Variants in SCUBE2 observed in about 807,000 individuals in gnomAD.
The protein encoded by SCUBE2 is signal peptide, CUB domain and EGF like domain containing 2, also known as signal peptide, CUB and EGF-like domain-containing protein 2.
SCUBE2 carries 114 observed loss-of-function variants against 125.9 expected under a neutral mutation model. The ratio of observed to expected loss-of-function variants is 0.91; its 90% CI spans 0.78 to 1.06. The LOEUF is 1.06. SCUBE2 is among the 50% of genes least tolerant of loss of function. The pLI is 0.00. For synonymous variants in SCUBE2, 459 were observed against 492.9 expected, an observed-to-expected ratio of 0.93 and a Z score of 0.91; for missense variants, 1,255 against 1,301.8, an observed-to-expected ratio of 0.96 and a Z score of 0.55.
In SCUBE2 at chr11:9,055,849, G is replaced by T; in HGVS notation, c.1151C>A (p.Thr384Lys). 1 of 1,614,194 alleles carries T rather than the reference G, an allele frequency of 6.2e-7. No homozygotes were observed. The highest frequency in any genetic ancestry group is 8.5e-7 in the Non-Finnish European group (1 of 1,180,044). ...CDHSCINHPG[T>K]FACACNRGYT... is the part of the protein sequence containing the mutation. ...CCCTCGGTTGCAAGCACAAGCAAAT[G>T]TGCCAGGGTGGTTGATGCAGCTGTG... is the stretch of plus-strand genomic sequence containing the variant. The change falls in exon 10 of 23, where the codon ACA (threonine) becomes AAA (lysine). Residue 384 changes from threonine (T) to lysine (K), a missense_variant. Physicochemically the swap from Thr to Lys is moderately conservative, Grantham distance 78 (BLOSUM62 -1). This residue lies in a region of SCUBE2 where 378 missense variants were observed against 463.1 expected (regional missense o/e 0.82). Coordinates refer to ENST00000649792, the MANE Select transcript of SCUBE2 (RefSeq NM_001367977.2).
At chr11:9,064,676 A>G (rs954054324) in intron 7 of SCUBE2, 3 of 152,188 alleles carry the variant, frequency 2.0e-5, no homozygotes, top group African/African-American at 7.2e-5. Context: ...TTAAGCGTTT[A>G]TGTTACTCAT....
chr11:9,081,786 C>T (rs1213823995), intron 2 of SCUBE2, among the ~76,000 whole-genome samples: 2 of 152,222 alleles, frequency 1.3e-5, no homozygotes, highest in Non-Finnish European at 2.9e-5. Flanking sequence ...AATAATGCTA[C>T]GAGCATGGGC....
At chr11:9,080,533 C>G (rs984113553) in intron 2 of SCUBE2, among the ~76,000 whole-genome samples, 1 of 151,802 alleles carries the variant, frequency 6.6e-6, no homozygotes, top group Non-Finnish European at 1.5e-5. Context: ...CGCCTATAGT[C>G]CCAGCTGCTT....
In SCUBE2 at chr11:9,079,449, G is replaced by A. The variant is rs866474715; in HGVS notation, c.317C>T (p.Pro106Leu). 6.2e-6 allele frequency: 10 copies of A among 1,613,968 alleles called. No individual in the cohort carries two copies. In the Admixed American group the frequency reaches 1.2e-4, roughly 19 times the overall value. The change falls in exon 3 of 23, where the codon CCA becomes CTA. Residue 106 changes from proline (P) to leucine (L), a missense_variant. Coordinates refer to ENST00000649792, the MANE Select transcript of SCUBE2 (RefSeq NM_001367977.2). The part of the protein sequence containing the change: ...GGCVHDCLNI[P>L]GNYRCTCFDG... Reference sequence around the variant, plus strand: ...AAAACAAGTGCAACGATAATTGCCTGGAATATTCAAACAGTCATGGACACA... The same window carrying A: ...AAAACAAGTGCAACGATAATTGCCTAGAATATTCAAACAGTCATGGACACA...
chr11:9,035,432 C>T (rs756065854), intron 16 of SCUBE2, among the ~76,000 whole-genome samples: 30 of 152,232 alleles, frequency 2.0e-4, no homozygotes, highest in Middle Eastern at 3.4e-3. Context: ...ATTTAACAAA[C>T]GGGCAGATTT....
intron 16 of SCUBE2, among the ~76,000 whole-genome samples, chr11:9,037,409 C>T (rs1250661294): frequency 1.3e-5 from 2 of 152,234 alleles, no homozygotes; most frequent in Admixed American, 6.5e-5. Flanking sequence ...TTAATGGCGA[C>T]AAAGAAGCTT....
chr11:9,084,620 A>T (rs972252474), intron 2 of SCUBE2, among the ~76,000 whole-genome samples: 1 of 152,260 alleles, frequency 6.6e-6, no homozygotes, highest in Non-Finnish European at 1.5e-5. Flanking sequence ...CAAGAATGGG[A>T]CATGTTAACA....
chr11:9,074,744 AG>A, intron 3 of SCUBE2, 129 bp from the exon 4 acceptor site: 1 of 1,113,714 alleles, frequency 9.0e-7, no homozygotes, highest in South Asian at 1.4e-5. Context: ...AGAAGCTTTC[AG>A]AATCAAAGCC....
chr11:9,091,558 G>T lies in SCUBE2; in HGVS notation c.-30C>A. On this transcript the variant is annotated 5_prime_UTR_variant, in exon 1 of 23. Transcript: ENST00000649792. This position sits in a 1 kb window ranked among gnomAD's most constrained non-coding sequence, Gnocchi z 8.5. ...GGCTCAGCGGTTGCGGGCAGAGGCG[G>T]CGGAGTGCGGGCGGTGGCGGCGGCG... The T allele has an allele frequency of 1.9e-6, 1 of 521,080 alleles. No individual in the cohort carries two copies. The highest frequency in any genetic ancestry group is 2.8e-6 in the Non-Finnish European group (1 of 359,136). 32.3% of individuals were successfully genotyped at this position (521,080 alleles called of 1,614,324 possible). A position where few individuals can be genotyped will look rare whatever the true frequency, so the allele number is the denominator to read the frequency against.
At chr11:9,042,591 AT>A (rs932601166) in intron 16 of SCUBE2, among the ~76,000 whole-genome samples, 4 of 151,968 alleles carry the variant, frequency 2.6e-5, no homozygotes, top group Non-Finnish European at 5.9e-5. Context: ...TCAAGAGCCT[AT>A]TTTTTTCCTG....
chr11:9,041,838 T>C (rs2135312924), intron 16 of SCUBE2, among the ~76,000 whole-genome samples: 1 of 152,194 alleles, frequency 6.6e-6, no homozygotes, highest in East Asian at 1.9e-4. Flanking sequence ...GAGATGGGTT[T>C]GTGTGATGTT....
chr11:9,060,491 C>G lies in SCUBE2; in HGVS notation c.884G>C (p.Arg295Pro). ...ACCTGTCGAAGTATCCTTACAGGTG[C>G]GGTCACAGCCTCCATTGTTGACAGC... ...TCAVNNGGCDRTCKDTSTGVH... is the reference protein window; with the variant it reads ...TCAVNNGGCDPTCKDTSTGVH... Residue 295 changes from arginine (R) to proline (P), a missense_variant, in exon 8 of 23, where the codon CGC (arginine) becomes CCC (proline). By Grantham distance (103) the Arg-to-Pro change is moderately radical (BLOSUM62 -2). Transcript: ENST00000649792. 6.2e-7 allele frequency: 1 copy of G among 1,613,906 alleles called. No homozygotes were observed. The highest frequency in any genetic ancestry group is 1.1e-5 in the South Asian group (1 of 91,056).
chr11:9,066,148 G>A (rs978105013), intron 6 of SCUBE2, among the ~76,000 whole-genome samples, 168 bp from the exon 7 acceptor site: 5 of 152,360 alleles, frequency 3.3e-5, no homozygotes, highest in African/African-American at 4.8e-5. Flanking sequence ...GACACAGCCC[G>A]TTAAAGGGCC....
chr11:9,086,644 G>C (rs1452603718), intron 2 of SCUBE2, among the ~76,000 whole-genome samples: 1 of 152,102 alleles, frequency 6.6e-6, no homozygotes, highest in Non-Finnish European at 1.5e-5. Context: ...TCTGAGGTCA[G>C]GAGTTCGAGA....
At position 9,054,725 on chromosome 11, in the gene SCUBE2, ATTTTTTTTTT is replaced by A. The variant is rs1174774188; in HGVS notation, c.1208-976_1208-967del. Among the ~76,000 whole-genome samples, 160 of 22,316 alleles carry A rather than the reference ATTTTTTTTTT, an allele frequency of 7.2e-3. 2 individuals are homozygous for A. The highest frequency in any genetic ancestry group is 0.045 in the Middle Eastern group (2 of 44). 14.6% of individuals were successfully genotyped at this position (22,316 alleles called of 152,430 possible). The stretch of plus-strand genomic sequence containing the variant: ...TGTATATATATATATATATATATAT[ATTTTTTTTTT>A]TTTTTTTTTTTTTTTTTCAGGTGGA... On this transcript the variant is annotated intron_variant, in intron 10 of 22. Transcript: ENST00000649792.
Position 9,052,754 on chromosome 11 carries a change from G to A in SCUBE2, c.1526C>T (p.Ala509Val). Residue 509 changes from alanine (A) to valine (V), a missense_variant, in exon 13 of 23, where the codon GCT (alanine) becomes GTT (valine). Physicochemically the swap from Ala to Val is moderately conservative, Grantham distance 64. Around this residue, in one of 3 missense-constraint regions of SCUBE2, gnomAD observed 378 missense variants for 463.1 expected, o/e 0.82. Coordinates refer to ENST00000649792, the MANE Select transcript of SCUBE2 (RefSeq NM_001367977.2). ...RNKQQKSNDS[A>V]FGDVTTIRTS... Reference sequence around the variant, plus strand: ...GCAGATTTGGTAATTACCCCCAAAAGCAGAGTCATTTGATTTTTGTTGTTT... The same window carrying A: ...GCAGATTTGGTAATTACCCCCAAAAACAGAGTCATTTGATTTTTGTTGTTT... 6.5e-7 allele frequency: 1 copy of A among 1,536,568 alleles called. No homozygotes were observed. Among genetic ancestry groups the A allele is most frequent in the African/African-American group, 1.4e-5 (1 of 73,150 alleles).
At chr11:9,027,070 C>CT (rs1855827785) in intron 20 of SCUBE2, 1 of 425,008 alleles carries the variant, frequency 2.4e-6, no homozygotes, top group South Asian at 2.5e-5. Context: ...GGGGCCAACA[C>CT]TGCATGATCC....
At chr11:9,034,677 G>A (rs1488499902) in intron 16 of SCUBE2, among the ~76,000 whole-genome samples, 1 of 152,042 alleles carries the variant, frequency 6.6e-6, no homozygotes, top group Non-Finnish European at 1.5e-5. Flanking sequence ...CACACTTCAG[G>A]TTCATAATAA....
chr11:9,020,713 G>T lies in SCUBE2; in HGVS notation c.*332C>A. ...GCCTCCTTTCCACTACAGACTCCTT[G>T]AGGAGGAGTAAGACCCCAGAAGGAC... On this transcript the variant is annotated 3_prime_UTR_variant, in exon 23 of 23. Coordinates refer to ENST00000649792, the MANE Select transcript of SCUBE2 (RefSeq NM_001367977.2). The T allele has an allele frequency of 5.4e-6, 1 of 184,026 alleles. No individual in the cohort carries two copies. The allele number at this position is 184,026 out of a possible 1,614,324, so 11.4% of individuals were successfully genotyped here. A position where few individuals can be genotyped will look rare whatever the true frequency, so the allele number is the denominator to read the frequency against.
Sources: allele counts gnomAD v4.1 joint callset (sites outside exome capture counted in the v4.1 genomes callset), GRCh38; gene constraint gnomAD v4.1.1; regional missense constraint gnomAD v4.1.1; non-coding constraint Gnocchi (gnomAD v3.1); transcripts MANE v1.5; gene names NCBI Gene and HGNC (gene_info 2026-07-23, HGNC 2026-07-21).